The following MGAM2 variants were observed in gnomAD, a reference collection of about 807,000 sequenced individuals.
The protein encoded by MGAM2 is maltase-glucoamylase 2 (putative).
Under a neutral mutation model 96.1 loss-of-function variants are expected in MGAM2, and 98 were observed. That is an observed-to-expected ratio of 1.02 (90% CI 0.87 to 1.21). The LOEUF (loss-of-function observed/expected upper bound fraction) is 1.21. Among genes scored for constraint, MGAM2 ranks in the 50% most tolerant of loss-of-function variants. The pLI is 0.00. For synonymous variants in MGAM2, 749 were observed against 414.8 expected, an observed-to-expected ratio of 1.81 and a Z score of -9.79; for missense variants, 2,055 against 1,182.4, an observed-to-expected ratio of 1.74 and a Z score of -10.82.
chr7:142,191,280 T>G (rs1261437660), intron 37 of MGAM2, among the ~76,000 whole-genome samples: 1 of 152,210 alleles, frequency 6.6e-6, no homozygotes, highest in Non-Finnish European at 1.5e-5. Flanking sequence ...TTTTTAAAAG[T>G]TTTTATAAAG....
At chr7:142,183,416 T>C (rs1244226653) in intron 33 of MGAM2, 43 bp downstream of exon 33, 2 of 693,558 alleles carry the variant, frequency 2.9e-6, no homozygotes, top group African/African-American at 3.5e-5. Flanking sequence ...AACATTACAA[T>C]GTCTTGAAAT....
intron 36 of MGAM2, 113 bp downstream of exon 36, chr7:142,187,947 T>G (rs1008524694): frequency 1.6e-6 from 1 of 610,016 alleles, no homozygotes; most frequent in African/African-American, 1.8e-5. Flanking sequence ...TTCTCCAACA[T>G]GACATGAAAT....
intron 37 of MGAM2, among the ~76,000 whole-genome samples, chr7:142,195,520 T>A (rs1222297035): frequency 1.1e-5 from 1 of 87,130 alleles, no homozygotes; most frequent in Non-Finnish European, 2.6e-5. Context: ...CACACCCGGC[T>A]AATTTTTTTT....
At chr7:142,186,285 G>A (rs1481920134) in intron 35 of MGAM2, among the ~76,000 whole-genome samples, 162 bp downstream of exon 35, 1 of 152,096 alleles carries the variant, frequency 6.6e-6, no homozygotes, top group African/African-American at 2.4e-5. Context: ...GAGAAGCAGA[G>A]ATCATTGCTG....
Position 142,221,378 on chromosome 7 carries a change from G to A in MGAM2, c.6867G>A (p.Met2289Ile), listed in dbSNP as rs2129109248. The A allele has an allele frequency of 3.0e-5, 18 of 609,126 alleles. No individual in the cohort carries two copies. The East Asian group carries it at 4.4e-4, about 15-fold the overall frequency. The allele number at this position is 609,126 out of a possible 1,614,324, so 37.7% of individuals were successfully genotyped here. ...CAAGTAATAATACTAATCCTGGCATGACTACTTATTACCAGACTTCTCCTA... is the reference window on the plus strand; with the variant it reads ...CAAGTAATAATACTAATCCTGGCATAACTACTTATTACCAGACTTCTCCTA... ...TTTSNNTNPG[M>I]TTYYQTSPTI... The change falls in exon 48 of 48, where the codon ATG (methionine) becomes ATA (isoleucine). Residue 2289 changes from methionine (M) to isoleucine (I), a missense_variant. By Grantham distance (10) the Met-to-Ile change is conservative (BLOSUM62 1). Coordinates refer to ENST00000477922, the MANE Select transcript of MGAM2 (RefSeq NM_001293626.2).
At chr7:142,189,815 T>C (rs1472735975) in intron 37 of MGAM2, among the ~76,000 whole-genome samples, 8 of 152,252 alleles carry the variant, frequency 5.3e-5, no homozygotes, top group Non-Finnish European at 1.2e-4. Context: ...CAATCATTTC[T>C]ACCTTGTTCC....
At chr7:142,181,698 C>T (rs982660821) in intron 32 of MGAM2, among the ~76,000 whole-genome samples, 1 of 152,198 alleles carries the variant, frequency 6.6e-6, no homozygotes, top group Admixed American at 6.5e-5. Context: ...TGTTGGTCCT[C>T]TGTACTTGGC....
intron 1 of MGAM2, among the ~76,000 whole-genome samples, chr7:142,114,882 G>A (rs1242965030): frequency 6.6e-6 from 1 of 152,108 alleles, no homozygotes; most frequent in Non-Finnish European, 1.5e-5. Context: ...GAATAAGAGT[G>A]TAGGTAATAG....
At chr7:142,150,035 G>A (rs1294837765) in intron 15 of MGAM2, among the ~76,000 whole-genome samples, 5 of 151,550 alleles carry the variant, frequency 3.3e-5, no homozygotes, top group African/African-American at 1.2e-4. Context: ...TCCGCCTCCC[G>A]GGTTCAAGCG....
intron 1 of MGAM2, among the ~76,000 whole-genome samples, chr7:142,115,451 A>T (rs756531334): frequency 6.6e-6 from 1 of 152,252 alleles, no homozygotes; most frequent in Non-Finnish European, 1.5e-5. Context: ...ATCAATACTG[A>T]GGCCTAGGTC....
At chr7:142,119,622 A>T (rs771843470) in intron 2 of MGAM2, among the ~76,000 whole-genome samples, 1 of 152,246 alleles carries the variant, frequency 6.6e-6, no homozygotes, top group Non-Finnish European at 1.5e-5. Flanking sequence ...AGGATTATGT[A>T]TAATGGTCAA....
At chr7:142,187,922 T>A in intron 36 of MGAM2, 88 bp downstream of exon 36, 2 of 650,496 alleles carry the variant, frequency 3.1e-6, no homozygotes, top group Non-Finnish European at 5.6e-6. Context: ...AGCCTAATGT[T>A]GAAGACAGAA....
chr7:142,212,969 A>C (rs780013379), intron 46 of MGAM2, among the ~76,000 whole-genome samples: 3 of 152,164 alleles, frequency 2.0e-5, no homozygotes, highest in South Asian at 2.1e-4. Context: ...AAGAACAGAA[A>C]TCATAACAAA....
Position 142,211,510 on chromosome 7 carries a change from G to A in MGAM2, c.5187+2888G>A, listed in dbSNP as rs181807298. Among the ~76,000 whole-genome samples the A allele has an allele frequency of 6.2e-3, 943 of 152,318 alleles. 6 individuals are homozygous for A. The highest frequency in any genetic ancestry group is 0.031 in the Middle Eastern group (9 of 294). On this transcript the variant is annotated intron_variant, in intron 46 of 47. Coordinates refer to ENST00000477922, the MANE Select transcript of MGAM2 (RefSeq NM_001293626.2). ...GAGAGAACATAAATGACCTGATGGA[G>A]CTGAAAAATATAGCATGAGAACTTC... is the stretch of plus-strand genomic sequence containing the variant.
intron 37 of MGAM2, among the ~76,000 whole-genome samples, chr7:142,195,637 G>A (rs1797010197): frequency 1.3e-5 from 2 of 151,632 alleles, no homozygotes; most frequent in Admixed American, 1.3e-4. Context: ...GATTACAGGT[G>A]TGAGCCACCA....
Position 142,140,818 on chromosome 7 carries a change from A to G in MGAM2, c.1103A>G (p.Asp368Gly), listed in dbSNP as rs1795198736. ...AEIPYDVQYS[D>G]IDYMDGKKDF... ...CTCTTTCAGGATGTCCAGTACTCTG[A>G]CATAGACTACATGGATGGAAAGAAG... The change falls in exon 11 of 48, where the codon GAC (aspartate) becomes GGC (glycine). Residue 368 changes from aspartate to glycine, a missense_variant. Asp to Gly is a moderately conservative substitution (Grantham distance 94). Transcript: ENST00000477922. The G allele has an allele frequency of 1.0e-5, 7 of 702,946 alleles. No homozygotes were observed. In the East Asian group the frequency reaches 1.9e-4, roughly 19 times the overall value. 43.5% of individuals were successfully genotyped at this position (702,946 alleles called of 1,614,324 possible). A position where few individuals can be genotyped will look rare whatever the true frequency, so the allele number is the denominator to read the frequency against.
intron 45 of MGAM2, among the ~76,000 whole-genome samples, chr7:142,206,580 A>G (rs1585217754): frequency 6.6e-6 from 1 of 152,276 alleles, no homozygotes; most frequent in South Asian, 2.1e-4. Context: ...AGTATGCAAA[A>G]TCAACCCCCT....
chr7:142,182,717 A>T (rs1239023724), intron 32 of MGAM2, among the ~76,000 whole-genome samples: 1 of 152,178 alleles, frequency 6.6e-6, no homozygotes, highest in Non-Finnish European at 1.5e-5. Context: ...CAGTGCCAGG[A>T]GCTGGTCCCG....
At chr7:142,174,882 A>AT (rs1364813416) in intron 31 of MGAM2, among the ~76,000 whole-genome samples, 16 of 151,672 alleles carry the variant, frequency 1.1e-4, no homozygotes, top group Non-Finnish European at 2.2e-4. Context: ...AGCTTGGCTA[A>AT]TTTTTTAAAT....
Sources: allele counts gnomAD v4.1 joint callset (sites outside exome capture counted in the v4.1 genomes callset), GRCh38; gene constraint gnomAD v4.1.1; transcripts MANE v1.5; gene names NCBI Gene and HGNC (gene_info 2026-07-23, HGNC 2026-07-21).